Variants in CDH23 observed in about 807,000 individuals in gnomAD.
CDH23 encodes cadherin-23.
In CDH23, 189 loss-of-function variants were observed where a neutral mutation model predicts 317.1. The ratio of observed to expected loss-of-function variants is 0.60; its 90% CI spans 0.53 to 0.67. CDH23 has a LOEUF of 0.67. Among genes scored for constraint, CDH23 ranks in the 30% least tolerant of loss-of-function variants. CDH23 has a pLI of 0.00. For missense variants in CDH23, 4,401 were observed against 4,592.4 expected (o/e 0.96, Z 1.20); for synonymous variants, 1,839 against 1,876.8 (o/e 0.98, Z 0.52).
chr10:71,567,583 A>T (rs968877320), intron 7 of CDH23, among the ~76,000 whole-genome samples: 4 of 152,260 alleles, frequency 2.6e-5, no homozygotes, highest in Admixed American at 2.6e-4. Flanking sequence ...CGGAGCAAGA[A>T]CCCAAACCAG....
At chr10:71,537,024 C>A (rs565104759) in intron 6 of CDH23, among the ~76,000 whole-genome samples, 1 of 152,094 alleles carries the variant, frequency 6.6e-6, no homozygotes, top group African/African-American at 2.4e-5. Context: ...ATATTGCCTT[C>A]GCCACCGTGC....
intron 26 of CDH23, among the ~76,000 whole-genome samples, chr10:71,708,591 C>T (rs1189542379): frequency 6.6e-6 from 1 of 152,226 alleles, no homozygotes; most frequent in East Asian, 1.9e-4. Flanking sequence ...TCCATGTCCC[C>T]ACTCAGGAAG....
At chr10:71,746,660 G>T (rs140900737) in intron 38 of CDH23, among the ~76,000 whole-genome samples, 152 of 152,330 alleles carry the variant, frequency 1.0e-3, no homozygotes, top group Non-Finnish European at 1.6e-3. Context: ...GGGAGGTCAG[G>T]AGTTAGCCCA....
rs1564554028 is a variant in CDH23, at chr10:71,397,803, G to C, written c.-6+485G>C. 6.6e-6 allele frequency among the ~76,000 whole-genome samples: 1 copy of C among 152,024 alleles called. No individual in the cohort carries two copies. Among genetic ancestry groups the C allele is most frequent in the Non-Finnish European group, 1.5e-5 (1 of 67,988 alleles). ...TGCGGGCTGGGCAGAGGCGCTGAGG[G>C]GAACTAAAGGCACGTAGTTCTCCCC... is the stretch of plus-strand genomic sequence containing the variant. On this transcript the variant is annotated intron_variant, in intron 1 of 69. Coordinates refer to ENST00000224721, the MANE Select transcript of CDH23 (RefSeq NM_022124.6). This position sits in a 1 kb window ranked among gnomAD's most constrained non-coding sequence, Gnocchi z 4.8.
intron 9 of CDH23, among the ~76,000 whole-genome samples, chr10:71,584,648 C>T (rs1281209181): frequency 3.3e-5 from 5 of 151,740 alleles, no homozygotes; most frequent in South Asian, 2.1e-4. Context: ...ATAACTGAAT[C>T]GGGCCTCTGG....
intron 28 of CDH23, among the ~76,000 whole-genome samples, chr10:71,723,210 C>G (rs1047326164): frequency 6.6e-6 from 1 of 152,194 alleles, no homozygotes; most frequent in African/African-American, 2.4e-5. Flanking sequence ...ATAGGAGGGT[C>G]TAGCCTCTTC....
At chr10:71,436,019 C>T (rs1011080795) in intron 1 of CDH23, among the ~76,000 whole-genome samples, 1 of 152,274 alleles carries the variant, frequency 6.6e-6, no homozygotes, top group Non-Finnish European at 1.5e-5. Flanking sequence ...TCAGGGAAAA[C>T]CCAGCAGCAG....
At chr10:71,544,792 C>G (rs969937307) in intron 6 of CDH23, among the ~76,000 whole-genome samples, 2 of 152,254 alleles carry the variant, frequency 1.3e-5, no homozygotes, top group African/African-American at 4.8e-5. Context: ...TTTTCTAACT[C>G]TCCCCACCTT....
intron 60 of CDH23, among the ~76,000 whole-genome samples, chr10:71,808,419 C>G (rs1435696424): frequency 6.6e-6 from 1 of 152,152 alleles, no homozygotes; most frequent in Non-Finnish European, 1.5e-5. Flanking sequence ...TCCACCTACC[C>G]ATCTTCCCAC....
chr10:71,651,171 A>G (rs1863150428), intron 14 of CDH23, among the ~76,000 whole-genome samples: 2 of 152,160 alleles, frequency 1.3e-5, no homozygotes, highest in South Asian at 4.1e-4. Context: ...GGGGTCCAGG[A>G]AAGCTTCCCT....
chr10:71,795,115 T>C (rs1390505367), intron 48 of CDH23, among the ~76,000 whole-genome samples: 2 of 152,152 alleles, frequency 1.3e-5, no homozygotes, highest in Non-Finnish European at 2.9e-5. Flanking sequence ...AAATAATACA[T>C]GATTTTCAGA....
chr10:71,556,815 CCTT>C, intron 6 of CDH23, among the ~76,000 whole-genome samples: 1 of 152,260 alleles, frequency 6.6e-6, no homozygotes, highest in Middle Eastern at 3.4e-3. Flanking sequence ...ATATTTACTT[CCTT>C]ATTTCTAAAT....
At chr10:71,470,306 A>G (rs1374644435) in intron 3 of CDH23, among the ~76,000 whole-genome samples, 2 of 152,182 alleles carry the variant, frequency 1.3e-5, no homozygotes, top group Non-Finnish European at 2.9e-5. Flanking sequence ...TTACCATTTT[A>G]ACCATTTCTA....
chr10:71,811,217 G>T, intron 62 of CDH23, 98 bp from the exon 63 acceptor site: 2 of 1,576,592 alleles, frequency 1.3e-6, no homozygotes, highest in East Asian at 2.2e-5. Flanking sequence ...AAGGCTTGGG[G>T]TTGTTGAACT....
chr10:71,798,653 G>A, intron 50 of CDH23, 75 bp downstream of exon 50: 1 of 1,189,904 alleles, frequency 8.4e-7, no homozygotes, highest in Non-Finnish European at 1.2e-6. Context: ...AGAGACCACA[G>A]CCCCTCTGTG....
chr10:71,680,155 C>T (rs1476665813), intron 17 of CDH23, among the ~76,000 whole-genome samples: 1 of 152,234 alleles, frequency 6.6e-6, no homozygotes, highest in African/African-American at 2.4e-5. Flanking sequence ...CACTTTGACA[C>T]TGTCTCCCCT....
At chr10:71,593,670 T>A (rs1244510364) in intron 9 of CDH23, among the ~76,000 whole-genome samples, 1 of 152,134 alleles carries the variant, frequency 6.6e-6, no homozygotes, top group Non-Finnish European at 1.5e-5. Flanking sequence ...GAAACCCCAG[T>A]GACTGGTGGA....
intron 62 of CDH23, among the ~76,000 whole-genome samples, chr10:71,810,906 C>G (rs1272161654): frequency 6.6e-6 from 1 of 151,984 alleles, no homozygotes; most frequent in Non-Finnish European, 1.5e-5. Context: ...CATGGAGAAA[C>G]CTCGTCTCTA....
intron 38 of CDH23, among the ~76,000 whole-genome samples, chr10:71,763,292 C>A (rs1298461723): frequency 6.6e-6 from 1 of 152,230 alleles, no homozygotes; most frequent in Non-Finnish European, 1.5e-5. Context: ...ACAAGTGTGA[C>A]CCACTACGCC....
Sources: gnomAD v4.1 joint callset for allele counts (sites outside exome capture counted in the v4.1 genomes callset) on GRCh38, gnomAD v4.1.1 for gene constraint, Gnocchi (gnomAD v3.1) non-coding constraint, MANE v1.5 for transcripts, NCBI Gene and HGNC (gene_info 2026-07-23, HGNC 2026-07-21) for gene names.